LRRC52: variants seen among roughly 807,000 people sequenced by gnomAD.
LRRC52 encodes leucine-rich repeat-containing protein 52.
LRRC52 carries 15 observed loss-of-function variants against 14.7 expected under a neutral mutation model. That is an observed-to-expected ratio of 1.02 (90% confidence interval 0.68 to 1.58). The LOEUF (loss-of-function observed/expected upper bound fraction) is 1.58. Ranked by LOEUF, LRRC52 falls within the 40% of genes most tolerant of loss-of-function variation. The pLI is 0.00. For missense variants in LRRC52, 400 were observed against 387.7 expected (o/e 1.03, Z -0.27); for synonymous variants, 180 against 163.9 (o/e 1.10, Z -0.75).
chr1:165,563,478 C>A (rs764975557), intron 1 of LRRC52, 27 bp from the exon 2 acceptor site: 3 of 1,587,802 alleles, frequency 1.9e-6, no homozygotes, highest in South Asian at 1.2e-5. Flanking sequence ...TGTTTCAGCA[C>A]CCTGCCTGCT....
intron 1 of LRRC52, among the ~76,000 whole-genome samples, chr1:165,553,567 T>C (rs995300937): frequency 6.6e-6 from 1 of 152,150 alleles, no homozygotes; most frequent in Non-Finnish European, 1.5e-5. Flanking sequence ...GATCCAACCA[T>C]GTGTTTATCT....
At chr1:165,560,619 C>T (rs1297890133) in intron 1 of LRRC52, among the ~76,000 whole-genome samples, 1 of 151,976 alleles carries the variant, frequency 6.6e-6, no homozygotes, top group Non-Finnish European at 1.5e-5. Flanking sequence ...GCTCTGAGGA[C>T]GGGGTGGTTG....
At chr1:165,558,302 A>G (rs979045334) in intron 1 of LRRC52, among the ~76,000 whole-genome samples, 9 of 152,230 alleles carry the variant, frequency 5.9e-5, no homozygotes, top group Non-Finnish European at 1.2e-4. Flanking sequence ...GGCTGAGGAA[A>G]GGGATGGCAT....
chr1:165,558,641 G>T (rs967888368), intron 1 of LRRC52, among the ~76,000 whole-genome samples: 1 of 151,988 alleles, frequency 6.6e-6, no homozygotes, highest in South Asian at 2.1e-4. Context: ...TATGGTTAAC[G>T]AGCTAAAGAA....
intron 1 of LRRC52, among the ~76,000 whole-genome samples, chr1:165,561,095 A>T (rs1014332790): frequency 6.6e-6 from 1 of 152,096 alleles, no homozygotes; most frequent in Non-Finnish European, 1.5e-5. Flanking sequence ...AGAGGGGGAG[A>T]TAATTCAGTG....
intron 1 of LRRC52, among the ~76,000 whole-genome samples, chr1:165,548,466 A>G (rs534185562): frequency 6.6e-6 from 1 of 152,170 alleles, no homozygotes; most frequent in Non-Finnish European, 1.5e-5. Flanking sequence ...AGTTGTGCAT[A>G]ACAGAACAAA....
chr1:165,552,342 C>A (rs1490546558), intron 1 of LRRC52, among the ~76,000 whole-genome samples: 2 of 152,210 alleles, frequency 1.3e-5, no homozygotes, highest in Non-Finnish European at 2.9e-5. Flanking sequence ...CAGCCAACCT[C>A]AGTTTGCTCA....
chr1:165,544,027 G>A lies in LRRC52; in HGVS notation c.-270G>A. The A allele has an allele frequency of 3.9e-6, 2 of 516,116 alleles. No homozygotes were observed. Among genetic ancestry groups the A allele is most frequent in the Non-Finnish European group, 6.9e-6 (2 of 288,118 alleles). 32.0% of individuals were successfully genotyped at this position (516,116 alleles called of 1,614,324 possible). On this transcript the variant is annotated 5_prime_UTR_variant, in exon 1 of 2. Coordinates refer to ENST00000294818, the MANE Select transcript of LRRC52 (RefSeq NM_001005214.4). ...CCTTCACTTGCAAACGCAGGGAAAG[G>A]GTGAGACCTTTCAAAGCTGCCAAGT...
At chr1:165,551,202 C>A (rs1362000310) in intron 1 of LRRC52, among the ~76,000 whole-genome samples, 1 of 150,708 alleles carries the variant, frequency 6.6e-6, no homozygotes, top group Non-Finnish European at 1.5e-5. Flanking sequence ...ATGCCTCCAC[C>A]CCAAGAAACT....
rs1660958878 is a variant in LRRC52 at position 165,544,086 on chromosome 1, G to A, written c.-211G>A. 2 of 621,020 alleles carry A rather than the reference G, an allele frequency of 3.2e-6. No individual in the cohort carries two copies. The highest frequency in any genetic ancestry group is 2.8e-5 in the East Asian group (1 of 35,754). The allele number at this position is 621,020 out of a possible 1,614,324, so 38.5% of individuals were successfully genotyped here. A position where few individuals can be genotyped will look rare whatever the true frequency, so the allele number is the denominator to read the frequency against. ...TTCCAGCAGCAGTCTGGGAGCGAGC[G>A]ACAGAGCCACCAAGCTGGGCGGCAG... On this transcript the variant is annotated 5_prime_UTR_variant, in exon 1 of 2. Transcript: ENST00000294818.
intron 1 of LRRC52, among the ~76,000 whole-genome samples, chr1:165,562,402 A>G (rs1201922699): frequency 6.6e-6 from 1 of 152,204 alleles, no homozygotes; most frequent in African/African-American, 2.4e-5. Flanking sequence ...ACCTGAGCAC[A>G]TCACACAAGC....
chr1:165,545,808 C>T (rs1661010921), intron 1 of LRRC52, among the ~76,000 whole-genome samples: 2 of 152,116 alleles, frequency 1.3e-5, no homozygotes, highest in Admixed American at 1.3e-4. Context: ...AAAGTCAGAG[C>T]TTCAGAAAAA....
rs1224918843 is a variant in LRRC52, at chr1:165,563,519, A to G, written c.637A>G (p.Thr213Ala). Residue 213 changes from threonine (T) to alanine (A), a missense_variant, in exon 2 of 2, where the codon ACA becomes GCA. Transcript: ENST00000294818. ...TTTCTTCTTAGATGATCTAAATGCC[A>G]CATGTGTGGAGCCCACAGAGCTGAC... ...HMDPSDDLNA[T>A]CVEPTELTGW... 1 of 1,612,934 alleles carries G rather than the reference A, an allele frequency of 6.2e-7. No homozygotes were observed. The highest frequency in any genetic ancestry group is 8.5e-7 in the Non-Finnish European group (1 of 1,179,224).
At chr1:165,557,507 C>T (rs1661259967) in intron 1 of LRRC52, among the ~76,000 whole-genome samples, 1 of 152,214 alleles carries the variant, frequency 6.6e-6, no homozygotes, top group African/African-American at 2.4e-5. Flanking sequence ...GCCCTGTGCT[C>T]TAGCATCCTG....
rs779384837 is a variant in LRRC52 at position 165,544,301 on chromosome 1, C to G, written c.5C>G (p.Ser2Cys). 3 of 1,531,764 alleles carry G rather than the reference C, an allele frequency of 2.0e-6. No individual in the cohort carries two copies. In the Admixed American group the frequency reaches 5.3e-5, roughly 27 times the overall value. The allele number at this position is 1,531,764 out of a possible 1,614,324, so 94.9% of individuals were successfully genotyped here. M[S>C]LASGPGPGWL... ...GGGTGGTTGTGGCTTCTTACTATGT[C>G]CCTTGCTTCAGGCCCTGGCCCTGGG... Residue 2 changes from serine (S) to cysteine (C), a missense_variant, in exon 1 of 2, where the codon TCC (serine) becomes TGC (cysteine). Coordinates refer to ENST00000294818, the MANE Select transcript of LRRC52 (RefSeq NM_001005214.4).
In LRRC52 at chr1:165,554,453, T is replaced by TGTTGTG. The variant is rs55742551; in HGVS notation, c.623-9052_623-9051insGTTGTG. On this transcript the variant is annotated intron_variant, in intron 1 of 1. Coordinates refer to ENST00000294818, the MANE Select transcript of LRRC52 (RefSeq NM_001005214.4). ...TTGTTGTTGTTGTTGTTGTTGTTGTTTTTTGGAGGCAGACTCTTGCTGCTC... is the reference window on the plus strand; with the variant it reads ...TTGTTGTTGTTGTTGTTGTTGTTGTTGTTGTGTTTTGGAGGCAGACTCTTGCTGCTC... Among the ~76,000 whole-genome samples, 5 of 151,978 alleles carry TGTTGTG rather than the reference T, an allele frequency of 3.3e-5. No individual in the cohort carries two copies. The South Asian group carries it at 6.2e-4, about 19-fold the overall frequency.
intron 1 of LRRC52, among the ~76,000 whole-genome samples, chr1:165,561,596 A>T (rs1661345335): frequency 6.6e-6 from 1 of 152,172 alleles, no homozygotes; most frequent in Non-Finnish European, 1.5e-5. Context: ...TCTACTTGAG[A>T]GCTCTCTGGT....
chr1:165,544,416 A>G lies in LRRC52; in HGVS notation c.120A>G (p.Thr40=), dbSNP rs755340784. 1 of 1,614,206 alleles carries G rather than the reference A, an allele frequency of 6.2e-7. No individual in the cohort carries two copies. The highest frequency in any genetic ancestry group is 8.5e-7 in the Non-Finnish European group (1 of 1,180,030). ...GTCAAGCCCAAGAAGTAATCTGCAC[A>G]GGGAAGCAGTTAACCGAATACCCCC... ...CLCQAQEVIC[T]GKQLTEYPLD... The change falls in exon 1 of 2, where the codon ACA becomes ACG. Residue 40 remains threonine, a synonymous_variant. Transcript: ENST00000294818.
chr1:165,545,925 C>T (rs1201811856), intron 1 of LRRC52, among the ~76,000 whole-genome samples: 1 of 151,186 alleles, frequency 6.6e-6, no homozygotes, highest in Non-Finnish European at 1.5e-5. Flanking sequence ...TTTCTGTCTT[C>T]CCTGGGTGTT....
Sources: gnomAD v4.1 joint callset for allele counts (sites outside exome capture counted in the v4.1 genomes callset) on GRCh38, gnomAD v4.1.1 for gene constraint, MANE v1.5 for transcripts, NCBI Gene and HGNC (gene_info 2026-07-23, HGNC 2026-07-21) for gene names.